Variants in ADGRB3 observed in about 807,000 individuals in gnomAD.
ADGRB3 encodes the protein brain-specific angiogenesis inhibitor 3.
Under a neutral mutation model 193.4 loss-of-function variants are expected in ADGRB3, and 37 were observed. The observed-to-expected ratio is 0.19, with a 90% confidence interval of 0.15 to 0.25. The LOEUF (loss-of-function observed/expected upper bound fraction) is 0.25. ADGRB3 is among the 10% of genes least tolerant of loss of function. The pLI is 1.00. For missense variants in ADGRB3, 1,637 were observed against 1,852.9 expected (o/e 0.88, Z 2.14); for synonymous variants, 690 against 644.2 (o/e 1.07, Z -1.08).
intron 20 of ADGRB3, among the ~76,000 whole-genome samples, chr6:69,258,266 G>T (rs1202785604): frequency 6.6e-6 from 1 of 152,126 alleles, no homozygotes; most frequent in East Asian, 1.9e-4. Flanking sequence ...AAGAGGAGCA[G>T]ATTTTTATGC....
chr6:69,356,362 G>T (rs1769337419), intron 28 of ADGRB3, among the ~76,000 whole-genome samples: 1 of 152,104 alleles, frequency 6.6e-6, no homozygotes, highest in Admixed American at 6.6e-5. Flanking sequence ...TAGGACTGGG[G>T]TTATTGAGAA....
intron 20 of ADGRB3, among the ~76,000 whole-genome samples, chr6:69,248,790 T>C (rs1284682424): frequency 1.3e-5 from 2 of 152,184 alleles, no homozygotes; most frequent in Non-Finnish European, 2.9e-5. Flanking sequence ...ACAGAACAAC[T>C]ACAATGTAAG....
chr6:68,713,727 A>T (rs1443590829), intron 3 of ADGRB3, among the ~76,000 whole-genome samples: 1 of 151,478 alleles, frequency 6.6e-6, no homozygotes, highest in East Asian at 1.9e-4. Context: ...AGCGAAGTAT[A>T]ACTCCTCTCC....
intron 10 of ADGRB3, among the ~76,000 whole-genome samples, chr6:68,977,046 A>C (rs1768771450): frequency 6.7e-6 from 1 of 148,822 alleles, no homozygotes; most frequent in Admixed American, 6.8e-5. Flanking sequence ...AGAAATATAA[A>C]TAAGATTTTA....
At chr6:68,764,104 C>G (rs973697618) in intron 3 of ADGRB3, among the ~76,000 whole-genome samples, 11 of 152,076 alleles carry the variant, frequency 7.2e-5, no homozygotes, top group Non-Finnish European at 1.0e-4. Context: ...AATTTTTAGA[C>G]ATGAAATAGG....
At position 68,638,599 on chromosome 6, in the gene ADGRB3, G is replaced by A; in HGVS notation, c.-15-62G>A. The A allele has an allele frequency of 1.4e-6, 2 of 1,465,248 alleles. 1 individual carries two copies. The highest frequency in any genetic ancestry group is 2.9e-5 in the South Asian group (2 of 69,596). 90.8% of individuals were successfully genotyped at this position (1,465,248 alleles called of 1,614,324 possible). ...ACAGCTGGCTGTAATATTGAAAGGA[G>A]TTTATTTTCTCAATGCACGTAGACT... On this transcript the variant is annotated intron_variant, in intron 2 of 31. Coordinates refer to ENST00000370598, the MANE Select transcript of ADGRB3 (RefSeq NM_001704.3).
At chr6:68,977,632 C>T (rs1405531016) in intron 10 of ADGRB3, among the ~76,000 whole-genome samples, 1 of 152,124 alleles carries the variant, frequency 6.6e-6, no homozygotes, top group Admixed American at 6.6e-5. Context: ...CAATAATTGA[C>T]AGCAAATATG....
At chr6:69,306,919 A>G (rs954097894) in intron 20 of ADGRB3, among the ~76,000 whole-genome samples, 1 of 151,290 alleles carries the variant, frequency 6.6e-6, no homozygotes, top group Non-Finnish European at 1.5e-5. Flanking sequence ...ATTTGTTCCT[A>G]TTTACCTTGA....
chr6:69,302,253 T>C (rs1767963155), intron 20 of ADGRB3, among the ~76,000 whole-genome samples: 1 of 151,986 alleles, frequency 6.6e-6, no homozygotes, highest in South Asian at 2.1e-4. Context: ...GTATTGCAAA[T>C]GCAGTTAGGT....
At chr6:69,101,433 C>CGTGTGT (rs59471051) in intron 17 of ADGRB3, among the ~76,000 whole-genome samples, 24,837 of 145,242 alleles carry the variant, frequency 0.17, 3,089 homozygotes, top group East Asian at 0.55. Context: ...CAGTAAGTAT[C>CGTGTGT]GTGTGTGTGT....
chr6:68,685,711 T>C (rs867533047), intron 3 of ADGRB3, among the ~76,000 whole-genome samples: 2 of 151,344 alleles, frequency 1.3e-5, no homozygotes, highest in South Asian at 2.1e-4. Context: ...ACCCCGTCTC[T>C]ACTAAAAAAA....
intron 11 of ADGRB3, among the ~76,000 whole-genome samples, chr6:69,011,480 G>T (rs1316736769): frequency 3.3e-5 from 5 of 151,816 alleles, no homozygotes; most frequent in Admixed American, 2.6e-4. Flanking sequence ...TAATAGAGTG[G>T]GGAGGGAGGG....
intron 3 of ADGRB3, among the ~76,000 whole-genome samples, chr6:68,704,809 G>A (rs1051135046): frequency 1.3e-5 from 2 of 152,092 alleles, no homozygotes; most frequent in Non-Finnish European, 2.9e-5. Flanking sequence ...GTATCATTAG[G>A]TATAGTTTTG....
intron 11 of ADGRB3, among the ~76,000 whole-genome samples, chr6:68,998,776 G>T (rs1169698650): frequency 6.6e-6 from 1 of 152,174 alleles, no homozygotes; most frequent in African/African-American, 2.4e-5. Flanking sequence ...AGATCTCTAA[G>T]AGGAGAAGTG....
intron 20 of ADGRB3, among the ~76,000 whole-genome samples, chr6:69,258,494 G>A (rs1766831305): frequency 6.6e-6 from 1 of 152,206 alleles, no homozygotes; most frequent in East Asian, 1.9e-4. Flanking sequence ...AATGCATTCA[G>A]CAAAGGGAAA....
At chr6:69,087,401 T>A (rs536330100) in intron 17 of ADGRB3, among the ~76,000 whole-genome samples, 1 of 152,174 alleles carries the variant, frequency 6.6e-6, no homozygotes, top group Non-Finnish European at 1.5e-5. Context: ...AAAATTCATA[T>A]GTTGAAACTT....
At chr6:68,916,283 G>T (rs974619544) in intron 3 of ADGRB3, among the ~76,000 whole-genome samples, 1 of 152,100 alleles carries the variant, frequency 6.6e-6, no homozygotes. Flanking sequence ...TAATGTAAAA[G>T]GAAATGTTTG....
chr6:69,074,453 C>A (rs2150312036), intron 16 of ADGRB3, among the ~76,000 whole-genome samples: 1 of 152,020 alleles, frequency 6.6e-6, no homozygotes, highest in African/African-American at 2.4e-5. Flanking sequence ...AACACTGAAG[C>A]CTGAGGGCTG....
chr6:68,638,003 C>T (rs777945331), intron 2 of ADGRB3, among the ~76,000 whole-genome samples: 35 of 152,302 alleles, frequency 2.3e-4, no homozygotes, highest in Non-Finnish European at 4.9e-4. Flanking sequence ...ATTAACTAAT[C>T]CACATGAATG....
Sources: gnomAD v4.1 joint callset for allele counts (sites outside exome capture counted in the v4.1 genomes callset) on GRCh38, gnomAD v4.1.1 for gene constraint, MANE v1.5 for transcripts, NCBI Gene and HGNC (gene_info 2026-07-23, HGNC 2026-07-21) for gene names.